Variants in ZSCAN18 observed in about 807,000 individuals in gnomAD.
ZSCAN18 encodes zinc finger and SCAN domain-containing protein 18.
In ZSCAN18, 16 loss-of-function variants were observed where a neutral mutation model predicts 31.1. That is an observed-to-expected ratio of 0.51 (90% CI 0.35 to 0.78). ZSCAN18 has a LOEUF of 0.78. ZSCAN18 is among the 30% of genes least tolerant of loss of function. The pLI is 0.01. For synonymous variants in ZSCAN18, 375 were observed against 320.7 expected, an observed-to-expected ratio of 1.17 and a Z score of -1.81; for missense variants, 731 against 697.4, an observed-to-expected ratio of 1.05 and a Z score of -0.54.
At chr19:58,087,503 T>C (rs1319421529) in intron 3 of ZSCAN18, 99 bp from the exon 4 acceptor site, 1 of 1,030,752 alleles carries the variant, frequency 9.7e-7, no homozygotes, top group Non-Finnish European at 1.4e-6. Flanking sequence ...CAGGCCCCAG[T>C]GTGCTTCTGT....
chr19:58,118,178 G>C, intron 1 of ZSCAN18: 1 of 611,358 alleles, frequency 1.6e-6, no homozygotes. Context: ...CCCCTGCCCA[G>C]AGCAGGGCTG....
upstream of ZSCAN18, among the ~76,000 whole-genome samples, chr19:58,103,152 C>T (rs1649777160): frequency 6.6e-6 from 1 of 150,936 alleles, no homozygotes; most frequent in Non-Finnish European, 1.5e-5. Context: ...AAAAGGCTGC[C>T]AATTAAACCA....
exon 1 of ZSCAN18, chr19:58,118,388 T>A: frequency 1.3e-6 from 2 of 1,527,202 alleles, no homozygotes; most frequent in Non-Finnish European, 1.8e-6. Context: ...GCCCTCCGAC[T>A]CTCCGCATGG....
rs987292599 is a variant in ZSCAN18, at chr19:58,087,385, G to A, written c.573C>T (p.Pro191=). 1 of 1,602,050 alleles carries A rather than the reference G, an allele frequency of 6.2e-7. No individual in the cohort carries two copies. Among genetic ancestry groups the A allele is most frequent in the Admixed American group, 1.7e-5 (1 of 58,496 alleles). Residue 191 remains proline, a synonymous_variant, in exon 4 of 7, where the codon CCC becomes CCT. Coordinates refer to ENST00000601144, the MANE Select transcript of ZSCAN18 (RefSeq NM_001145543.2). ...PSETPWLSPD[P]LFLEQRRVRE... Reference sequence around the variant, plus strand: ...TGACCCTCCTCTGTTCCAGAAACAGGGGGTCCGGAGAAAGCCAGGCTGGGG... The same window carrying A: ...TGACCCTCCTCTGTTCCAGAAACAGAGGGTCCGGAGAAAGCCAGGCTGGGG...
chr19:58,094,111 A>C (rs1340908664), intron 1 of ZSCAN18, among the ~76,000 whole-genome samples: 1 of 151,866 alleles, frequency 6.6e-6, no homozygotes, highest in Non-Finnish European at 1.5e-5. Flanking sequence ...AACCCACTTA[A>C]AAAGGGTTTC....
At chr19:58,087,789 A>C in intron 3 of ZSCAN18, 1 of 175,358 alleles carries the variant, frequency 5.7e-6, no homozygotes, top group Non-Finnish European at 1.2e-5. Context: ...CTGGGACTAA[A>C]AGTGCGGACC....
At chr19:58,100,532 G>T (rs1004068671), upstream of ZSCAN18, among the ~76,000 whole-genome samples, 1 of 152,032 alleles carries the variant, frequency 6.6e-6, no homozygotes, top group Non-Finnish European at 1.5e-5. Flanking sequence ...GGTCGAAACG[G>T]GCTCCTTATG....
At chr19:58,085,746 G>C (rs2074265999) in intron 6 of ZSCAN18, 1 of 333,256 alleles carries the variant, frequency 3.0e-6, no homozygotes. Context: ...CTCCTGGAGG[G>C]AGGGGCCCGG....
At chr19:58,095,329 A>T (rs2074499981) in intron 1 of ZSCAN18, among the ~76,000 whole-genome samples, 1 of 152,190 alleles carries the variant, frequency 6.6e-6, no homozygotes, top group African/African-American at 2.4e-5. Context: ...ACCTTCCCTC[A>T]TCAGAACCTC....
intron 5 of ZSCAN18, chr19:58,086,602 A>G: frequency 2.1e-6 from 1 of 471,422 alleles, no homozygotes; most frequent in South Asian, 3.6e-5. Context: ...ACCCTTGATC[A>G]GGCCATGCAG....
intron 2 of ZSCAN18, among the ~76,000 whole-genome samples, chr19:58,089,136 TA>T (rs2074350708): frequency 6.7e-6 from 1 of 148,848 alleles, no homozygotes; most frequent in Non-Finnish European, 1.5e-5. Context: ...ACCCCGTCTC[TA>T]CTAAAAATAC....
chr19:58,107,604 T>C (rs1600009240), intron 1 of ZSCAN18: 1 of 932,428 alleles, frequency 1.1e-6, no homozygotes, highest in African/African-American at 1.8e-5. Flanking sequence ...GGTAAACACA[T>C]GTGCTGTCAT....
intron 1 of ZSCAN18, chr19:58,108,994 T>C: frequency 8.4e-7 from 1 of 1,195,290 alleles, no homozygotes; most frequent in Non-Finnish European, 1.0e-6. Context: ...CTTTGAGTCA[T>C]GTTCACAGAA....
At chr19:58,089,251 C>T (rs1370593788) in intron 2 of ZSCAN18, among the ~76,000 whole-genome samples, 1 of 111,632 alleles carries the variant, frequency 9.0e-6, no homozygotes, top group Non-Finnish European at 1.7e-5. Flanking sequence ...TGCAGTGAGC[C>T]GAGATCCCGC....
intron 5 of ZSCAN18, 77 bp from the exon 6 acceptor site, chr19:58,086,343 G>C: frequency 7.5e-7 from 1 of 1,339,616 alleles, no homozygotes; most frequent in Non-Finnish European, 1.1e-6. Context: ...TCGTGGGCCA[G>C]CCAGGGCAGG....
intron 1 of ZSCAN18, chr19:58,107,944 G>T: frequency 9.3e-7 from 1 of 1,072,746 alleles, no homozygotes; most frequent in South Asian, 3.7e-5. Flanking sequence ...TCACCAGTAT[G>T]AGTCCTCTGG....
At chr19:58,116,006 G>A (rs954880789) in intron 1 of ZSCAN18, among the ~76,000 whole-genome samples, 1 of 151,790 alleles carries the variant, frequency 6.6e-6, no homozygotes, top group Non-Finnish European at 1.5e-5. Context: ...ATTTTCACAA[G>A]GTAGAATAGT....
intron 1 of ZSCAN18, chr19:58,109,161 C>T: frequency 8.9e-6 from 11 of 1,230,746 alleles, no homozygotes; most frequent in Non-Finnish European, 1.1e-5. Context: ...GCATTTCTAC[C>T]TGGTCCTCAC....
intron 4 of ZSCAN18, 137 bp from the exon 5 acceptor site, chr19:58,087,145 C>T: frequency 1.0e-6 from 1 of 981,924 alleles, no homozygotes; most frequent in Non-Finnish European, 1.5e-6. Flanking sequence ...CAGGAGGCAG[C>T]CCCCTTCGCA....
Sources: gnomAD v4.1 joint callset for allele counts (sites outside exome capture counted in the v4.1 genomes callset) on GRCh38, gnomAD v4.1.1 for gene constraint, MANE v1.5 for transcripts, NCBI Gene and HGNC (gene_info 2026-07-23, HGNC 2026-07-21) for gene names.